UTRN: variants seen among roughly 807,000 people sequenced by gnomAD.
UTRN encodes dystrophin-related protein 1.
In UTRN, 283 loss-of-function variants were observed where a neutral mutation model predicts 463.9. That is an observed-to-expected ratio of 0.61 (90% CI 0.55 to 0.67). The LOEUF (loss-of-function observed/expected upper bound fraction) is 0.67, where lower values mean the gene tolerates loss of function less well. Among genes scored for constraint, UTRN ranks in the 30% least tolerant of loss-of-function variants. UTRN has a pLI of 0.00. For missense variants in UTRN, 3,922 were observed against 4,084.3 expected, an observed-to-expected ratio of 0.96 and a Z score of 1.08; for synonymous variants, 1,442 against 1,431.5, an observed-to-expected ratio of 1.01 and a Z score of -0.17.
rs373245955 is a variant in UTRN at position 144,508,049 on chromosome 6, T to C, written c.4765-2895T>C. Among the ~76,000 whole-genome samples the C allele has an allele frequency of 1.1e-4, 17 of 152,312 alleles. No individual in the cohort carries two copies. The South Asian group carries it at 1.2e-3, about 11-fold the overall frequency. On this transcript the variant is annotated intron_variant, in intron 34 of 74. Coordinates refer to ENST00000367545, the MANE Select transcript of UTRN (RefSeq NM_007124.3). ...TTTGTTTACACTGTGAGGGGAAAAC[T>C]GCCTACTCAAGCCTCAGTAATGGTG...
chr6:144,438,206 C>T (rs1786778943), intron 11 of UTRN, among the ~76,000 whole-genome samples: 1 of 152,142 alleles, frequency 6.6e-6, no homozygotes, highest in Non-Finnish European at 1.5e-5. Flanking sequence ...ACAGAGATTG[C>T]AGTGAGCTGA....
intron 51 of UTRN, among the ~76,000 whole-genome samples, chr6:144,675,846 A>G (rs1781534634): frequency 6.6e-6 from 1 of 152,202 alleles, no homozygotes; most frequent in Non-Finnish European, 1.5e-5. Context: ...GTGAGTCTCC[A>G]GACGCTGTTC....
chr6:144,788,634 G>T (rs372686563), intron 61 of UTRN, among the ~76,000 whole-genome samples: 3 of 149,620 alleles, frequency 2.0e-5, no homozygotes, highest in Non-Finnish European at 4.4e-5. Flanking sequence ...GCACGATCTC[G>T]GCTCACTGCA....
chr6:144,469,817 G>T (rs904864667), intron 23 of UTRN, among the ~76,000 whole-genome samples: 6 of 151,550 alleles, frequency 4.0e-5, no homozygotes, highest in Admixed American at 2.0e-4. Context: ...GTGAACAAAG[G>T]TCTCTGGTTT....
intron 51 of UTRN, among the ~76,000 whole-genome samples, chr6:144,581,306 T>C (rs1167437367): frequency 6.6e-6 from 1 of 152,202 alleles, no homozygotes; most frequent in Non-Finnish European, 1.5e-5. Context: ...TCTAAAAGAT[T>C]GTTATTCTTT....
At chr6:144,695,590 GC>G (rs1783917738) in intron 52 of UTRN, among the ~76,000 whole-genome samples, 1 of 152,144 alleles carries the variant, frequency 6.6e-6, no homozygotes, top group Non-Finnish European at 1.5e-5. Flanking sequence ...TGATTCACCC[GC>G]CTCAGCCTCC....
chr6:144,527,706 C>G (rs541975788), intron 41 of UTRN, among the ~76,000 whole-genome samples: 22 of 152,088 alleles, frequency 1.4e-4, no homozygotes, highest in Admixed American at 1.3e-3. Context: ...TTTTCTTTTT[C>G]TTTGTCAGAT....
intron 1 of UTRN, 142 bp from the exon 2 acceptor site, chr6:144,291,595 G>C (rs759053356): frequency 1.1e-5 from 4 of 352,978 alleles, no homozygotes; most frequent in Non-Finnish European, 2.0e-5. Context: ...CTTGTTCATA[G>C]TCATAACACC....
At chr6:144,464,507 T>G (rs1270668977) in intron 23 of UTRN, among the ~76,000 whole-genome samples, 1 of 149,244 alleles carries the variant, frequency 6.7e-6, no homozygotes, top group Non-Finnish European at 1.5e-5. Flanking sequence ...CTCATTTACT[T>G]TTTTTTTTTT....
At chr6:144,521,799 C>T (rs1796116724) in intron 39 of UTRN, among the ~76,000 whole-genome samples, 181 bp from the exon 40 acceptor site, 1 of 151,822 alleles carries the variant, frequency 6.6e-6, no homozygotes, top group African/African-American at 2.4e-5. Context: ...AATTAGGATA[C>T]AGATTGTTAA....
At chr6:144,395,658 A>C (rs192279097) in intron 2 of UTRN, among the ~76,000 whole-genome samples, 1 of 152,224 alleles carries the variant, frequency 6.6e-6, no homozygotes, top group South Asian at 2.1e-4. Flanking sequence ...GAAAATAACT[A>C]TTTTGAGAGT....
intron 2 of UTRN, among the ~76,000 whole-genome samples, chr6:144,308,479 T>G (rs1805952033): frequency 2.0e-5 from 3 of 152,010 alleles, no homozygotes; most frequent in African/African-American, 7.2e-5. Context: ...TTTTTGTAGA[T>G]AAGAGGTTTC....
intron 59 of UTRN, among the ~76,000 whole-genome samples, chr6:144,773,474 T>C (rs764036161): frequency 6.6e-6 from 1 of 152,150 alleles, no homozygotes; most frequent in Non-Finnish European, 1.5e-5. Context: ...GGGTGGTACC[T>C]TTTCTCACCC....
intron 41 of UTRN, among the ~76,000 whole-genome samples, chr6:144,524,253 A>G (rs1796366495): frequency 6.6e-6 from 1 of 152,170 alleles, no homozygotes; most frequent in Non-Finnish European, 1.5e-5. Flanking sequence ...TCTTTTACAT[A>G]CATCTTTATC....
intron 52 of UTRN, among the ~76,000 whole-genome samples, chr6:144,698,725 C>CA (rs1240739547): frequency 6.6e-6 from 1 of 152,040 alleles, no homozygotes. Flanking sequence ...CTAACAAGAG[C>CA]AAAAAAGGAA....
At chr6:144,533,824 T>A (rs891294789) in intron 43 of UTRN, among the ~76,000 whole-genome samples, 7 of 152,040 alleles carry the variant, frequency 4.6e-5, no homozygotes, top group Non-Finnish European at 8.8e-5. Flanking sequence ...TGTTTTGCAA[T>A]TGGAATATAA....
At chr6:144,423,504 TGGAG>T in intron 4 of UTRN, 41 bp from the exon 5 acceptor site, 1 of 1,584,712 alleles carries the variant, frequency 6.3e-7, no homozygotes. Flanking sequence ...GTCAGGCATA[TGGAG>T]GGACAATCAG....
intron 74 of UTRN, among the ~76,000 whole-genome samples, chr6:144,850,502 T>C (rs775531675): frequency 3.9e-5 from 6 of 152,172 alleles, no homozygotes; most frequent in Non-Finnish European, 8.8e-5. Context: ...TGGATTTATA[T>C]TGTCTCTGAC....
intron 48 of UTRN, 137 bp from the exon 49 acceptor site, chr6:144,554,551 T>A: frequency 1.1e-6 from 1 of 872,994 alleles, no homozygotes; most frequent in East Asian, 2.7e-5. Context: ...TATATTAAAA[T>A]TCCTTCAAAA....
Sources: allele counts gnomAD v4.1 joint callset (sites outside exome capture counted in the v4.1 genomes callset), GRCh38; gene constraint gnomAD v4.1.1; transcripts MANE v1.5; gene names NCBI Gene and HGNC (gene_info 2026-07-23, HGNC 2026-07-21).